Variants in SNX29 observed in about 807,000 individuals in gnomAD.
SNX29 encodes the protein sorting nexin-29.
In SNX29, 78 loss-of-function variants were observed where a neutral mutation model predicts 102.1. The ratio of observed to expected loss-of-function variants is 0.76; its 90% confidence interval spans 0.64 to 0.92. The LOEUF (loss-of-function observed/expected upper bound fraction) is 0.92, where lower values mean the gene tolerates loss of function less well. Among genes scored for constraint, SNX29 ranks in the 40% least tolerant of loss-of-function variants. The probability of loss-of-function intolerance (pLI) is 0.00; values close to 1 mark genes in which losing one functional copy is unlikely to be tolerated. For missense variants in SNX29, 1,280 were observed against 1,061.7 expected (o/e 1.21, Z -2.86); for synonymous variants, 580 against 414.5 (o/e 1.40, Z -4.85).
At chr16:12,164,128 G>A (rs2055910231) in intron 13 of SNX29, among the ~76,000 whole-genome samples, 1 of 152,120 alleles carries the variant, frequency 6.6e-6, no homozygotes, top group African/African-American at 2.4e-5. Flanking sequence ...AGACTGGAAG[G>A]ATGAGGAGGA....
At chr16:11,977,073 C>G (rs1003472882) in intron 1 of SNX29, 9 of 387,160 alleles carry the variant, frequency 2.3e-5, no homozygotes, top group Non-Finnish European at 4.1e-5. Flanking sequence ...AAACCCCTGT[C>G]CCCAGTTGTT....
At chr16:12,109,018 C>T (rs1431805990) in intron 11 of SNX29, among the ~76,000 whole-genome samples, 1 of 147,572 alleles carries the variant, frequency 6.8e-6, no homozygotes, top group Non-Finnish European at 1.5e-5. Flanking sequence ...ACCCCAGCTA[C>T]TTGGGAGGCT....
chr16:12,025,833 G>A (rs1243808362), intron 3 of SNX29, among the ~76,000 whole-genome samples: 1 of 152,166 alleles, frequency 6.6e-6, no homozygotes, highest in Non-Finnish European at 1.5e-5. Flanking sequence ...TGATGATATG[G>A]GGGATGGAGG....
intron 1 of SNX29, among the ~76,000 whole-genome samples, chr16:11,992,160 G>A (rs1406008196): frequency 1.3e-5 from 2 of 152,220 alleles, no homozygotes; most frequent in South Asian, 2.1e-4. Context: ...CCAGTGTGGT[G>A]GTGCATGCCT....
At chr16:12,234,412 G>T (rs978847721) in intron 14 of SNX29, among the ~76,000 whole-genome samples, 1 of 151,914 alleles carries the variant, frequency 6.6e-6, no homozygotes, top group Non-Finnish European at 1.5e-5. Context: ...TTGTTTAGTT[G>T]TCTTTTTTAT....
At position 12,061,590 on chromosome 16, in the gene SNX29, A is replaced by T; in HGVS notation, c.1187A>T (p.His396Leu). 6.2e-7 allele frequency: 1 copy of T among 1,612,128 alleles called. No individual in the cohort carries two copies. The highest frequency in any genetic ancestry group is 8.5e-7 in the Non-Finnish European group (1 of 1,179,342). Residue 396 changes from histidine (H) to leucine (L), a missense_variant, in exon 9 of 21, where the codon CAC (histidine) becomes CTC (leucine). Transcript: ENST00000566228. ...AGCTGGGCTCCGCTGAAGGTGCTGC[A>T]CAATGACTCCGACATCCTCTTCCCT... is the stretch of plus-strand genomic sequence containing the variant. ...MHSWAPLKVL[H>L]NDSDILFPVS...
At chr16:12,047,314 C>A (rs1261012885) in intron 6 of SNX29, among the ~76,000 whole-genome samples, 3 of 152,224 alleles carry the variant, frequency 2.0e-5, no homozygotes, top group Non-Finnish European at 4.4e-5. Context: ...AAGTGGGCAA[C>A]TTGCTTCCTC....
At chr16:12,528,459 G>T (rs112805596) in intron 20 of SNX29, among the ~76,000 whole-genome samples, 5 of 151,750 alleles carry the variant, frequency 3.3e-5, no homozygotes, top group Admixed American at 6.6e-5. Context: ...CTCGACCTCC[G>T]AAAGTGCTGC....
At chr16:12,500,648 A>G (rs931528983) in intron 19 of SNX29, among the ~76,000 whole-genome samples, 3 of 152,220 alleles carry the variant, frequency 2.0e-5, no homozygotes, top group East Asian at 1.9e-4. Flanking sequence ...TTCTTTCTCA[A>G]TATCTTACCA....
At chr16:12,273,904 C>CGTAGG (rs2079166741) in intron 14 of SNX29, among the ~76,000 whole-genome samples, 1 of 152,186 alleles carries the variant, frequency 6.6e-6, no homozygotes, top group Admixed American at 6.5e-5. Flanking sequence ...TGTGTTGCAG[C>CGTAGG]GTGAGTCTGC....
chr16:12,326,159 C>G (rs1350558350), intron 15 of SNX29, among the ~76,000 whole-genome samples: 2 of 151,892 alleles, frequency 1.3e-5, no homozygotes, highest in Non-Finnish European at 2.9e-5. Flanking sequence ...CATGCACGTG[C>G]CACCACGTCT....
At chr16:12,264,886 C>T (rs144952076) in intron 14 of SNX29, among the ~76,000 whole-genome samples, 1 of 152,262 alleles carries the variant, frequency 6.6e-6, no homozygotes, top group Non-Finnish European at 1.5e-5. Context: ...TGTGCTCAGA[C>T]CTCCGTGTAC....
intron 11 of SNX29, among the ~76,000 whole-genome samples, chr16:12,094,477 G>A (rs1038790274): frequency 6.6e-6 from 1 of 151,970 alleles, no homozygotes; most frequent in Non-Finnish European, 1.5e-5. Flanking sequence ...AGGCCCTGAA[G>A]TTCCCTTTAG....
chr16:11,989,902 C>G (rs755746619), intron 1 of SNX29, among the ~76,000 whole-genome samples: 3 of 152,180 alleles, frequency 2.0e-5, no homozygotes, highest in Non-Finnish European at 2.9e-5. Context: ...GCTGTTTTTT[C>G]TTTGGCAGCA....
At chr16:12,431,033 G>A (rs1358281707) in intron 18 of SNX29, among the ~76,000 whole-genome samples, 2 of 152,120 alleles carry the variant, frequency 1.3e-5, no homozygotes, top group African/African-American at 4.8e-5. Flanking sequence ...TGTATTTTTA[G>A]TAGAGACGGA....
At chr16:12,534,493 C>G (rs1459078595) in intron 20 of SNX29, among the ~76,000 whole-genome samples, 2 of 152,174 alleles carry the variant, frequency 1.3e-5, no homozygotes, top group Non-Finnish European at 2.9e-5. Flanking sequence ...GTTTGTTTTG[C>G]TTTTAGCAGC....
chr16:12,519,444 T>C (rs935030919), intron 19 of SNX29, among the ~76,000 whole-genome samples: 3 of 152,218 alleles, frequency 2.0e-5, no homozygotes, highest in Non-Finnish European at 4.4e-5. Flanking sequence ...GGCTAGGTCT[T>C]AGATAACACC....
rs2077225330 is a variant in SNX29, at chr16:12,539,462, G to A, written c.2318+14621G>A. Among the ~76,000 whole-genome samples the A allele has an allele frequency of 2.6e-5, 4 of 152,220 alleles. No individual in the cohort carries two copies. The South Asian group carries it at 8.3e-4, about 32-fold the overall frequency. On this transcript the variant is annotated intron_variant, in intron 20 of 20. Transcript: ENST00000566228. ...TTACTGAGCAGAGTTTGGTTAAATGGATATACCACGGTTTATCTAGTCATA... is the reference window on the plus strand; with the variant it reads ...TTACTGAGCAGAGTTTGGTTAAATGAATATACCACGGTTTATCTAGTCATA...
chr16:12,165,100 G>A (rs1183797232), intron 13 of SNX29, among the ~76,000 whole-genome samples: 4 of 152,166 alleles, frequency 2.6e-5, no homozygotes, highest in African/African-American at 9.7e-5. Flanking sequence ...AACAGGATAA[G>A]GACCACTTAG....
Sources: gnomAD v4.1 joint callset for allele counts (sites outside exome capture counted in the v4.1 genomes callset) on GRCh38, gnomAD v4.1.1 for gene constraint, MANE v1.5 for transcripts, NCBI Gene and HGNC (gene_info 2026-07-23, HGNC 2026-07-21) for gene names.